NEO1: variants seen among roughly 807,000 people sequenced by gnomAD.
NEO1 encodes the protein neogenin 1, also known as neogenin.
Under a neutral mutation model 159.7 loss-of-function variants are expected in NEO1, and 63 were observed. The observed-to-expected ratio is 0.39, with a 90% CI of 0.32 to 0.49. The LOEUF (loss-of-function observed/expected upper bound fraction) is 0.49. Among genes scored for constraint, NEO1 ranks in the 20% least tolerant of loss-of-function variants. The pLI, the probability that NEO1 is intolerant of heterozygous loss-of-function variation, is 0.85. For synonymous variants in NEO1, 633 were observed against 662.0 expected, an observed-to-expected ratio of 0.96 and a Z score of 0.67; for missense variants, 1,615 against 1,831.0, an observed-to-expected ratio of 0.88 and a Z score of 2.15.
At chr15:73,220,475 G>A (rs1362545068) in intron 7 of NEO1, among the ~76,000 whole-genome samples, 2 of 152,082 alleles carry the variant, frequency 1.3e-5, no homozygotes, top group African/African-American at 4.8e-5. Flanking sequence ...ATGTTGGCCT[G>A]CCTTGCTAGA....
rs1325143972 is a variant in NEO1 at position 73,295,140 on chromosome 15, ATATG to A, written c.3901+1595_3901+1598del. Among the ~76,000 whole-genome samples the A allele has an allele frequency of 7.7e-5, 11 of 143,038 alleles. 1 individual carries two copies. The highest frequency in any genetic ancestry group is 1.4e-4 in the Admixed American group (2 of 14,364). 93.8% of individuals were successfully genotyped at this position (143,038 alleles called of 152,430 possible). On this transcript the variant is annotated intron_variant, in intron 26 of 28. Coordinates refer to ENST00000261908, the MANE Select transcript of NEO1 (RefSeq NM_002499.4). ...CTAAATATTAAATATATATATATATATATGTAAAAATTTGGCCTTTCTACTATCT... is the reference window on the plus strand; with the variant it reads ...CTAAATATTAAATATATATATATATATAAAAATTTGGCCTTTCTACTATCT...
intron 1 of NEO1, among the ~76,000 whole-genome samples, chr15:73,057,492 A>G (rs1413944811): frequency 6.6e-6 from 1 of 152,206 alleles, no homozygotes; most frequent in Non-Finnish European, 1.5e-5. Flanking sequence ...CAGTCAGAGG[A>G]AATGACTGTA....
At chr15:73,290,177 TTAG>T (rs1349212974) in intron 25 of NEO1, among the ~76,000 whole-genome samples, 3 of 150,556 alleles carry the variant, frequency 2.0e-5, no homozygotes, top group African/African-American at 7.3e-5. Context: ...AAAAATAAAA[TTAG>T]TAGACTTTAT....
At chr15:73,187,189 A>G (rs1020676693) in intron 7 of NEO1, among the ~76,000 whole-genome samples, 1 of 152,208 alleles carries the variant, frequency 6.6e-6, no homozygotes, top group East Asian at 1.9e-4. Flanking sequence ...TCCTTTTTCA[A>G]TAATTCACTC....
intron 1 of NEO1, among the ~76,000 whole-genome samples, chr15:73,097,752 T>G (rs1332542585): frequency 4.7e-5 from 7 of 150,294 alleles, no homozygotes; most frequent in Admixed American, 1.3e-4. Context: ...CATCTCATTT[T>G]CTAATCCCAG....
intron 4 of NEO1, 128 bp downstream of exon 4, chr15:73,126,698 C>A: frequency 2.7e-6 from 2 of 752,162 alleles, no homozygotes; most frequent in Non-Finnish European, 4.1e-6. Context: ...GCTCATATGT[C>A]ATCCTTCAAA....
chr15:73,164,241 G>C (rs1363858770), intron 5 of NEO1, among the ~76,000 whole-genome samples: 2 of 133,220 alleles, frequency 1.5e-5, no homozygotes, highest in African/African-American at 2.9e-5. Flanking sequence ...ACGAAGTCTT[G>C]TTGTGTCACC....
At chr15:73,115,840 C>G (rs146216345) in intron 1 of NEO1, among the ~76,000 whole-genome samples, 116 of 152,238 alleles carry the variant, frequency 7.6e-4, no homozygotes, top group African/African-American at 2.8e-3. Flanking sequence ...CTTCCGTGCT[C>G]TTTACACTAA....
At chr15:73,214,489 T>C (rs939966145) in intron 7 of NEO1, among the ~76,000 whole-genome samples, 2 of 152,208 alleles carry the variant, frequency 1.3e-5, no homozygotes, top group African/African-American at 4.8e-5. Flanking sequence ...CTCCTACATG[T>C]GGCTAGCCAA....
intron 22 of NEO1, among the ~76,000 whole-genome samples, chr15:73,281,243 G>A (rs913610582): frequency 8.4e-5 from 5 of 59,836 alleles, no homozygotes; most frequent in Admixed American, 2.1e-4. Context: ...CAGGTTGTTA[G>A]GAGAACCACT....
chr15:73,161,492 C>T (rs1292323871), intron 5 of NEO1, among the ~76,000 whole-genome samples: 2 of 152,144 alleles, frequency 1.3e-5, no homozygotes, highest in Non-Finnish European at 2.9e-5. Context: ...TTCATGTGTA[C>T]ATTCTTGTCT....
At chr15:73,221,209 T>G (rs2038234907) in intron 7 of NEO1, among the ~76,000 whole-genome samples, 1 of 152,238 alleles carries the variant, frequency 6.6e-6, no homozygotes, top group Admixed American at 6.5e-5. Context: ...CCTGTTTGCC[T>G]GGGTATCAGC....
intron 21 of NEO1, 49 bp downstream of exon 21, chr15:73,274,773 T>G: frequency 6.5e-7 from 1 of 1,534,386 alleles, no homozygotes; most frequent in Non-Finnish European, 8.8e-7. Context: ...TTGTGACCTA[T>G]TATTAGCTTT....
chr15:73,293,434 C>T lies in NEO1; in HGVS notation c.3787C>T (p.His1263Tyr). ...CATCCATTCCCTCGATAACCCTCAC[C>T]ATCATTTCCACTCCAGCAGCCTCGC... ...HPIHSLDNPH[H>Y]HFHSSSLASP... The change falls in exon 26 of 29, where the codon CAT becomes TAT. Residue 1263 changes from histidine to tyrosine, a missense_variant. Transcript: ENST00000261908. The T allele has an allele frequency of 6.2e-7, 1 of 1,614,188 alleles. No homozygotes were observed. Among genetic ancestry groups the T allele is most frequent in the Non-Finnish European group, 8.5e-7 (1 of 1,180,020 alleles).
chr15:73,052,716 C>T lies in NEO1; in HGVS notation c.41C>T (p.Pro14Leu), dbSNP rs1448614535. 14 of 1,361,742 alleles carry T rather than the reference C, an allele frequency of 1.0e-5. No homozygotes were observed. The highest frequency in any genetic ancestry group is 2.7e-5 in the Admixed American group (1 of 37,302). 84.4% of individuals were successfully genotyped at this position (1,361,742 alleles called of 1,614,324 possible). A position where few individuals can be genotyped will look rare whatever the true frequency, so the allele number is the denominator to read the frequency against. Residue 14 changes from proline to leucine, a missense_variant, in exon 1 of 29, where the codon CCC (proline) becomes CTC (leucine). By Grantham distance (98) the Pro-to-Leu change is moderately conservative. Coordinates refer to ENST00000261908, the MANE Select transcript of NEO1 (RefSeq NM_002499.4). Reference protein sequence around the residue: ...ERGARRLLSTPSFWLYCLLLL... With the variant: ...ERGARRLLSTLSFWLYCLLLL... Reference sequence around the variant, plus strand: ...GGAGCCCGGCGACTCCTCAGCACCCCCTCCTTCTGGCTCTACTGCCTGCTG... The same window carrying T: ...GGAGCCCGGCGACTCCTCAGCACCCTCTCCTTCTGGCTCTACTGCCTGCTG...
At chr15:73,143,013 A>G (rs1206366261) in intron 5 of NEO1, among the ~76,000 whole-genome samples, 1 of 152,208 alleles carries the variant, frequency 6.6e-6, no homozygotes, top group Non-Finnish European at 1.5e-5. Context: ...CTTATGGCAT[A>G]TAGTTTAAGT....
intron 11 of NEO1, among the ~76,000 whole-genome samples, chr15:73,250,075 A>C (rs1033644155): frequency 5.3e-5 from 8 of 152,158 alleles, no homozygotes; most frequent in Non-Finnish European, 8.8e-5. Flanking sequence ...GCCTTATTCT[A>C]CTTAGCAATG....
intron 26 of NEO1, among the ~76,000 whole-genome samples, chr15:73,295,136 ATATATATG>A (rs1018991377): frequency 7.0e-5 from 10 of 142,198 alleles, no homozygotes; most frequent in African/African-American, 2.2e-4. Flanking sequence ...ATATATATAT[ATATATATG>A]TAAAAATTTG....
In NEO1 at chr15:73,274,743, T is replaced by C. The variant is rs754355236; in HGVS notation, c.3193+19T>C. The C allele has an allele frequency of 3.7e-6, 6 of 1,607,466 alleles. No homozygotes were observed. Among genetic ancestry groups the C allele is most frequent in the South Asian group, 2.2e-5 (2 of 89,426 alleles). On this transcript the variant is annotated intron_variant, in intron 21 of 28. Transcript: ENST00000261908. Reference sequence around the variant, plus strand: ...GATCAAGGTAAATGAGTAGATGGCCTCTCTTTTCTTTCCTTTCTTTTGTGA... The same window carrying C: ...GATCAAGGTAAATGAGTAGATGGCCCCTCTTTTCTTTCCTTTCTTTTGTGA...
Sources: gnomAD v4.1 joint callset for allele counts (sites outside exome capture counted in the v4.1 genomes callset) on GRCh38, gnomAD v4.1.1 for gene constraint, MANE v1.5 for transcripts, NCBI Gene and HGNC (gene_info 2026-07-23, HGNC 2026-07-21) for gene names.